CDH13: variants seen among roughly 807,000 people sequenced by gnomAD.
CDH13 encodes the protein cadherin 13, also known as cadherin-13.
CDH13 carries 24 observed loss-of-function variants against 63.8 expected under a neutral mutation model. That is an observed-to-expected ratio of 0.38 (90% CI 0.27 to 0.53). CDH13 has a LOEUF of 0.53. Among genes scored for constraint, CDH13 ranks in the 20% least tolerant of loss-of-function variants. The probability of loss-of-function intolerance (pLI) is 0.85; values close to 1 mark genes in which losing one functional copy is unlikely to be tolerated. For synonymous variants in CDH13, 503 were observed against 355.3 expected, an observed-to-expected ratio of 1.42 and a Z score of -4.67; for missense variants, 1,049 against 903.1, an observed-to-expected ratio of 1.16 and a Z score of -2.07.
At chr16:83,044,111 G>A (rs1917571642) in intron 3 of CDH13, among the ~76,000 whole-genome samples, 1 of 152,106 alleles carries the variant, frequency 6.6e-6, no homozygotes, top group Non-Finnish European at 1.5e-5. Context: ...TGGCCTTAGA[G>A]CCCCTCACAC....
At chr16:83,510,495 T>G (rs1159818962) in intron 7 of CDH13, among the ~76,000 whole-genome samples, 1 of 152,194 alleles carries the variant, frequency 6.6e-6, no homozygotes, top group African/African-American at 2.4e-5. Flanking sequence ...AAGTTTTCAT[T>G]TCTCAAAATG....
chr16:82,643,078 T>C (rs1024091500), intron 1 of CDH13, among the ~76,000 whole-genome samples: 7 of 152,180 alleles, frequency 4.6e-5, no homozygotes, highest in Non-Finnish European at 1.0e-4. Flanking sequence ...TTACTGCTAA[T>C]GGGTATAGAA....
chr16:83,051,339 G>A (rs1419110805), intron 3 of CDH13, among the ~76,000 whole-genome samples: 2 of 152,154 alleles, frequency 1.3e-5, no homozygotes, highest in African/African-American at 4.8e-5. Context: ...TGGCATAAGT[G>A]GGTTGCAATA....
intron 3 of CDH13, among the ~76,000 whole-genome samples, chr16:83,065,281 G>A (rs1310633545): frequency 1.3e-5 from 2 of 152,188 alleles, no homozygotes; most frequent in Non-Finnish European, 2.9e-5. Context: ...CCAGGACAGT[G>A]TAGTATTGCA....
rs527977469 is a variant in CDH13, at chr16:83,033,082, A to G, written c.366+864A>G. Among the ~76,000 whole-genome samples, 5 of 152,336 alleles carry G rather than the reference A, an allele frequency of 3.3e-5. No individual in the cohort carries two copies. In the South Asian group the frequency reaches 1.0e-3, roughly 32 times the overall value. On this transcript the variant is annotated intron_variant, in intron 3 of 13. Transcript: ENST00000567109. The stretch of plus-strand genomic sequence containing the variant: ...TACCATATACAGGCATATGTACCAT[A>G]TACTTATGTGTATATGTACACATAC...
intron 10 of CDH13, among the ~76,000 whole-genome samples, chr16:83,720,916 C>T (rs1909609340): frequency 6.6e-6 from 1 of 152,198 alleles, no homozygotes; most frequent in African/African-American, 2.4e-5. Flanking sequence ...AATGGACTGG[C>T]CTCTGGCAGA....
intron 3 of CDH13, among the ~76,000 whole-genome samples, chr16:83,080,880 T>TTTTTTTTG (rs1848196228): frequency 1.8e-5 from 2 of 112,548 alleles, no homozygotes; most frequent in African/African-American, 3.6e-5. Flanking sequence ...TGTTTTTTTT[T>TTTTTTTTG]TTTTTTTTTT....
intron 4 of CDH13, chr16:83,181,208 A>C: frequency 2.1e-6 from 1 of 471,274 alleles, no homozygotes; most frequent in Non-Finnish European, 3.8e-6. Context: ...CAAGTCATTT[A>C]GTATTAGGGG....
chr16:82,955,739 G>C (rs186979158), intron 2 of CDH13, among the ~76,000 whole-genome samples: 66 of 152,278 alleles, frequency 4.3e-4, no homozygotes, highest in African/African-American at 1.6e-3. Context: ...AGTCATTGCT[G>C]GGATTCTCTT....
chr16:82,942,941 T>C (rs1904312733), intron 2 of CDH13, among the ~76,000 whole-genome samples: 1 of 152,184 alleles, frequency 6.6e-6, no homozygotes, highest in Non-Finnish European at 1.5e-5. Context: ...GAGTCTGTGC[T>C]CTACCCCGTA....
At chr16:83,375,955 G>T (rs1441904410) in intron 6 of CDH13, among the ~76,000 whole-genome samples, 1 of 152,036 alleles carries the variant, frequency 6.6e-6, no homozygotes, top group Non-Finnish European at 1.5e-5. Flanking sequence ...GGACTATTAG[G>T]GTGAGTTTAA....
rs559878281 is a variant in CDH13 at position 82,941,420 on chromosome 16, AG to A, written c.157+82949del. Among the ~76,000 whole-genome samples the A allele has an allele frequency of 3.0e-4, 45 of 152,300 alleles. No individual in the cohort carries two copies. The East Asian group carries it at 8.3e-3, about 28-fold the overall frequency. ...ACGGGGGTGGGTGCTCACCTACCAA[AG>A]GTCCCCTCCTAGCTCTAAGATCAGC... On this transcript the variant is annotated intron_variant, in intron 2 of 13. Transcript: ENST00000567109.
At chr16:83,038,287 A>G (rs900031088) in intron 3 of CDH13, among the ~76,000 whole-genome samples, 3 of 152,156 alleles carry the variant, frequency 2.0e-5, no homozygotes, top group Non-Finnish European at 4.4e-5. Context: ...CCTGCAAAAC[A>G]TATACCCCAA....
At chr16:83,376,890 C>A (rs771453577) in intron 6 of CDH13, among the ~76,000 whole-genome samples, 1 of 152,076 alleles carries the variant, frequency 6.6e-6, no homozygotes, top group African/African-American at 2.4e-5. Flanking sequence ...TCTCTTGCAA[C>A]GTTCACTCTG....
At chr16:83,530,383 G>A (rs1265253762) in intron 7 of CDH13, among the ~76,000 whole-genome samples, 2 of 152,186 alleles carry the variant, frequency 1.3e-5, no homozygotes, top group Admixed American at 1.3e-4. Flanking sequence ...TACACATTCA[G>A]ATGGCATTTC....
intron 5 of CDH13, among the ~76,000 whole-genome samples, chr16:83,276,636 C>T (rs140603125): frequency 2.0e-5 from 3 of 152,104 alleles, no homozygotes; most frequent in African/African-American, 4.8e-5. Flanking sequence ...TTTGGGAGGC[C>T]AAGTCGGGAG....
At chr16:82,824,348 A>G (rs1373903937) in intron 1 of CDH13, 1 of 152,188 alleles carries the variant, frequency 6.6e-6, no homozygotes, top group African/African-American at 2.4e-5. Flanking sequence ...CTTTGTTTTC[A>G]GAATTCCTTG....
chr16:83,578,978 A>G (rs561789377), intron 7 of CDH13, among the ~76,000 whole-genome samples: 140 of 152,364 alleles, frequency 9.2e-4, no homozygotes, highest in South Asian at 8.1e-3. Flanking sequence ...CCGCCTACTG[A>G]GTGTCTGTTC....
At chr16:82,787,754 T>A (rs1316181988) in intron 1 of CDH13, among the ~76,000 whole-genome samples, 1 of 142,902 alleles carries the variant, frequency 7.0e-6, no homozygotes, top group African/African-American at 2.6e-5. Flanking sequence ...CTCTTGATTT[T>A]AATAACAATT....
Sources: allele counts gnomAD v4.1 joint callset (sites outside exome capture counted in the v4.1 genomes callset), GRCh38; gene constraint gnomAD v4.1.1; transcripts MANE v1.5; gene names NCBI Gene and HGNC (gene_info 2026-07-23, HGNC 2026-07-21).